CADPS2: variants seen among roughly 807,000 people sequenced by gnomAD.
CADPS2 encodes calcium-dependent secretion activator 2.
Under a neutral mutation model 172.5 loss-of-function variants are expected in CADPS2, and 93 were observed. The observed-to-expected ratio is 0.54, with a 90% confidence interval of 0.46 to 0.64. The LOEUF (loss-of-function observed/expected upper bound fraction) is 0.64, where lower values mean the gene tolerates loss of function less well. Ranked by LOEUF, CADPS2 falls within the 30% of genes least tolerant of loss-of-function variation. CADPS2 has a pLI of 0.00. For missense variants in CADPS2, 1,420 were observed against 1,565.9 expected, an observed-to-expected ratio of 0.91 and a Z score of 1.57; for synonymous variants, 546 against 555.2, an observed-to-expected ratio of 0.98 and a Z score of 0.23.
chr7:122,581,121 T>C (rs2068748291), intron 7 of CADPS2, 58 bp downstream of exon 7: 1 of 1,226,040 alleles, frequency 8.2e-7, no homozygotes, highest in East Asian at 2.3e-5. Context: ...ACCTTAATCA[T>C]GAATCCAAAG....
intron 1 of CADPS2, among the ~76,000 whole-genome samples, chr7:122,847,094 T>C (rs1029238262): frequency 6.6e-6 from 1 of 152,186 alleles, no homozygotes; most frequent in African/African-American, 2.4e-5. Context: ...ATACCTTTTT[T>C]TTTCTTTTTT....
At chr7:122,858,129 G>GAGTGCCGATTGGTCCATTTTACAT (rs534385513) in intron 1 of CADPS2, among the ~76,000 whole-genome samples, 1 of 152,102 alleles carries the variant, frequency 6.6e-6, no homozygotes. Flanking sequence ...CCATTTTACA[G>GAGTGCCGATTGGTCCATTTTACAT]AGTGCCGATT....
chr7:122,548,174 C>T (rs925818904), intron 8 of CADPS2, among the ~76,000 whole-genome samples: 4 of 151,880 alleles, frequency 2.6e-5, no homozygotes, highest in African/African-American at 9.7e-5. Flanking sequence ...TCAAGAACAG[C>T]CTGGGCAATA....
At chr7:122,872,307 T>A (rs897199557) in intron 1 of CADPS2, among the ~76,000 whole-genome samples, 1 of 152,166 alleles carries the variant, frequency 6.6e-6, no homozygotes, top group South Asian at 2.1e-4. Flanking sequence ...TAAATTTTCA[T>A]AATTACTTGA....
intron 15 of CADPS2, among the ~76,000 whole-genome samples, chr7:122,443,649 C>CTTT (rs756070436): frequency 2.0e-5 from 1 of 49,726 alleles, no homozygotes; most frequent in South Asian, 5.9e-4. Flanking sequence ...CTTCTTTTAT[C>CTTT]TTTTTTTTTT....
At chr7:122,578,234 C>T (rs565726871) in intron 7 of CADPS2, among the ~76,000 whole-genome samples, 1 of 152,022 alleles carries the variant, frequency 6.6e-6, no homozygotes, top group Non-Finnish European at 1.5e-5. Flanking sequence ...CCCACACACA[C>T]ATATATAAAA....
chr7:122,450,996 G>C (rs2152036155), intron 15 of CADPS2, among the ~76,000 whole-genome samples: 1 of 152,298 alleles, frequency 6.6e-6, no homozygotes, highest in East Asian at 1.9e-4. Flanking sequence ...AATACTCTCT[G>C]CTGGAATAAC....
Position 122,530,897 on chromosome 7 carries a change from A to G in CADPS2, c.1476-17582T>C, listed in dbSNP as rs569765523. Among the ~76,000 whole-genome samples, 34 of 152,238 alleles carry G rather than the reference A, an allele frequency of 2.2e-4. No homozygotes were observed. In the South Asian group the frequency reaches 5.2e-3, roughly 23 times the overall value. The stretch of plus-strand genomic sequence containing the variant: ...AGACCATTCCTTGTATTCTGGGGAG[A>G]GGGACCTCCTGTGCTAGATGCTGGA... On this transcript the variant is annotated intron_variant, in intron 8 of 29. Coordinates refer to ENST00000449022, the MANE Select transcript of CADPS2 (RefSeq NM_017954.11).
chr7:122,786,599 A>C (rs1290019916), intron 1 of CADPS2, among the ~76,000 whole-genome samples: 1 of 152,124 alleles, frequency 6.6e-6, no homozygotes, highest in African/African-American at 2.4e-5. Context: ...ATATGGCACA[A>C]CCTTTGTGGA....
rs561401854 is a variant in CADPS2, at chr7:122,582,762, A to C, written c.1224-1472T>G. On this transcript the variant is annotated intron_variant, in intron 6 of 29. Transcript: ENST00000449022. ...GTCACATGGTTAAATTTAGAAGACT[A>C]ATAACCTTGGGAGGCATTCTCTTAT... 3.9e-5 allele frequency among the ~76,000 whole-genome samples: 6 copies of C among 152,134 alleles called. No individual in the cohort carries two copies. In the South Asian group the frequency reaches 1.2e-3, roughly 32 times the overall value.
chr7:122,760,105 T>G (rs1167425917), intron 1 of CADPS2, among the ~76,000 whole-genome samples: 4 of 151,970 alleles, frequency 2.6e-5, no homozygotes, highest in Non-Finnish European at 5.9e-5. Flanking sequence ...ATACATTTCA[T>G]ACACATAGGC....
chr7:122,636,731 G>A (rs1563922739), intron 3 of CADPS2, among the ~76,000 whole-genome samples: 1 of 152,096 alleles, frequency 6.6e-6, no homozygotes, highest in African/African-American at 2.4e-5. Flanking sequence ...ATCCCAAAGT[G>A]CATGGGATTA....
At chr7:122,722,837 G>T (rs1237086194) in intron 2 of CADPS2, among the ~76,000 whole-genome samples, 2 of 151,704 alleles carry the variant, frequency 1.3e-5, no homozygotes, top group Admixed American at 1.3e-4. Flanking sequence ...CAGAGATATA[G>T]ATCAATGGAA....
At chr7:122,883,275 TGACTCCTG>T (rs1210401224) in intron 1 of CADPS2, among the ~76,000 whole-genome samples, 1 of 152,168 alleles carries the variant, frequency 6.6e-6, no homozygotes, top group East Asian at 1.9e-4. Flanking sequence ...AAGAGAAACC[TGACTCCTG>T]GCCTCCTGGG....
intron 25 of CADPS2, among the ~76,000 whole-genome samples, chr7:122,371,212 T>C (rs1009281663): frequency 6.6e-6 from 1 of 152,190 alleles, no homozygotes; most frequent in African/African-American, 2.4e-5. Context: ...CAAATCGGTA[T>C]TTTGGAAAGA....
chr7:122,551,413 TTAGAG>T (rs2064271423), intron 8 of CADPS2, among the ~76,000 whole-genome samples: 1 of 152,030 alleles, frequency 6.6e-6, no homozygotes, highest in Non-Finnish European at 1.5e-5. Context: ...TCTAAGAAAC[TTAGAG>T]TACAGTTGAG....
At chr7:122,508,811 C>T (rs2059812344) in intron 9 of CADPS2, among the ~76,000 whole-genome samples, 1 of 152,060 alleles carries the variant, frequency 6.6e-6, no homozygotes, top group South Asian at 2.1e-4. Context: ...GAAGGCCACA[C>T]TATTAGCAAT....
At chr7:122,802,384 G>T (rs923181325) in intron 1 of CADPS2, among the ~76,000 whole-genome samples, 1 of 152,148 alleles carries the variant, frequency 6.6e-6, no homozygotes, top group South Asian at 2.1e-4. Context: ...TGTTCCCTCT[G>T]CGTCACATGC....
intron 1 of CADPS2, among the ~76,000 whole-genome samples, chr7:122,818,519 A>C (rs34938240): frequency 0.18 from 27,108 of 151,568 alleles, 2,353 homozygotes; most frequent in Middle Eastern, 0.26. Context: ...TCCCCTCAGT[A>C]CCAACCCCAA....
Sources: allele counts gnomAD v4.1 joint callset (sites outside exome capture counted in the v4.1 genomes callset), GRCh38; gene constraint gnomAD v4.1.1; transcripts MANE v1.5; gene names NCBI Gene and HGNC (gene_info 2026-07-23, HGNC 2026-07-21).